The following KLHL21 variants were observed in gnomAD, a reference collection of about 807,000 sequenced individuals.
KLHL21 encodes the protein kelch like family member 21.
In KLHL21, 42 loss-of-function variants were observed where a neutral mutation model predicts 44.1. That is an observed-to-expected ratio of 0.95 (90% CI 0.74 to 1.23). The LOEUF (loss-of-function observed/expected upper bound fraction) is 1.23, where lower values mean the gene tolerates loss of function less well. KLHL21 is among the 50% of genes most tolerant of loss of function. The probability of loss-of-function intolerance (pLI) is 0.00; values close to 1 mark genes in which losing one functional copy is unlikely to be tolerated. For missense variants in KLHL21, 918 were observed against 889.1 expected, an observed-to-expected ratio of 1.03 and a Z score of -0.41; for synonymous variants, 524 against 411.6, an observed-to-expected ratio of 1.27 and a Z score of -3.31.
Position 6,602,868 on chromosome 1 carries a change from A to C in KLHL21, c.-51T>G, listed in dbSNP as rs1475255988. The C allele has an allele frequency of 2.3e-6, 3 of 1,278,404 alleles. No homozygotes were observed. The highest frequency in any genetic ancestry group is 3.4e-5 in the South Asian group (2 of 58,628). 79.2% of individuals were successfully genotyped at this position (1,278,404 alleles called of 1,614,324 possible). On this transcript the variant is annotated 5_prime_UTR_variant, in exon 1 of 4. Transcript: ENST00000377658. Reference sequence around the variant, plus strand: ...CGCCGCGGCCGGGGCCTGCGGAGAGACGCGGCGCGCTAGGCACCGCTGCTA... The same window carrying C: ...CGCCGCGGCCGGGGCCTGCGGAGAGCCGCGGCGCGCTAGGCACCGCTGCTA...
chr1:6,602,261 C>T lies in KLHL21; in HGVS notation c.557G>A (p.Arg186Gln), dbSNP rs887843061. Residue 186 changes from arginine to glutamine, a missense_variant, in exon 1 of 4, where the codon CGG becomes CAG. Transcript: ENST00000377658. ...CTTGGGCACACACAGCCCGTCGTCC[C>T]GCAGGTAGCGCAGCAGGCGCGCCAG... ...LPLARLLRYL[R>Q]DDGLCVPKEE... 31 of 1,550,482 alleles carry T rather than the reference C, an allele frequency of 2.0e-5. No individual in the cohort carries two copies. In the Middle Eastern group the frequency reaches 5.2e-4, roughly 26 times the overall value.
chr1:6,593,690 CAGAGG>C, intron 3 of KLHL21, 32 bp from the exon 4 acceptor site: 1 of 1,541,344 alleles, frequency 6.5e-7, no homozygotes, highest in Non-Finnish European at 8.8e-7. Flanking sequence ...GAGTGGAGGT[CAGAGG>C]AGAGGGTAGG....
intron 2 of KLHL21, 81 bp from the exon 3 acceptor site, chr1:6,595,638 C>T: frequency 8.4e-7 from 1 of 1,183,528 alleles, no homozygotes; most frequent in Non-Finnish European, 1.2e-6. Context: ...GAGTCCTCCC[C>T]TGGGTCACTG....
chr1:6,595,154 AG>A (rs1449925304), intron 3 of KLHL21: 1 of 550,770 alleles, frequency 1.8e-6, no homozygotes, highest in African/African-American at 1.9e-5. Flanking sequence ...GCCCTGCTGC[AG>A]GGCCTCTGTA....
At chr1:6,594,563 G>A (rs1640897841) in intron 3 of KLHL21, 1 of 152,258 alleles carries the variant, frequency 6.6e-6, no homozygotes, top group South Asian at 2.1e-4. Flanking sequence ...AAAATTAGCT[G>A]GGCGTGGTGG....
At chr1:6,601,228 G>C (rs2148703939) in intron 1 of KLHL21, among the ~76,000 whole-genome samples, 1 of 152,338 alleles carries the variant, frequency 6.6e-6, no homozygotes, top group South Asian at 2.1e-4. Flanking sequence ...CAAGTAACTG[G>C]AAGAAAACCT....
At chr1:6,594,118 G>A (rs1640892382) in intron 3 of KLHL21, 1 of 989,932 alleles carries the variant, frequency 1.0e-6, no homozygotes. Context: ...TTACTGCGGG[G>A]AAAACAGAAC....
At chr1:6,598,391 G>A (rs1406287298) in intron 2 of KLHL21, among the ~76,000 whole-genome samples, 2 of 151,878 alleles carry the variant, frequency 1.3e-5, no homozygotes, top group African/African-American at 4.8e-5. Flanking sequence ...CCAACATGGA[G>A]AAACCCTGTC....
intron 1 of KLHL21, chr1:6,599,687 C>G: frequency 3.5e-6 from 2 of 572,520 alleles, no homozygotes; most frequent in Non-Finnish European, 6.2e-6. Context: ...AACAAAGGTC[C>G]TGAGTGCAAT....
chr1:6,601,291 G>A (rs1356001625), intron 1 of KLHL21, among the ~76,000 whole-genome samples: 1 of 152,166 alleles, frequency 6.6e-6, no homozygotes, highest in Non-Finnish European at 1.5e-5. Flanking sequence ...TAAACACCAT[G>A]TGACCAGAGC....
intron 3 of KLHL21, chr1:6,595,245 C>T (rs1429728826): frequency 1.6e-6 from 1 of 621,240 alleles, no homozygotes; most frequent in African/African-American, 1.8e-5. Flanking sequence ...CTCTGGCTCA[C>T]AGCAGATACT....
rs1433807790 is a variant in KLHL21 at position 6,602,128 on chromosome 1, G to C, written c.690C>G (p.Arg230=). 3 of 1,432,414 alleles carry C rather than the reference G, an allele frequency of 2.1e-6. No individual in the cohort carries two copies. The highest frequency in any genetic ancestry group is 6.1e-5 in the Admixed American group (2 of 32,590). 88.7% of individuals were successfully genotyped at this position (1,432,414 alleles called of 1,614,324 possible). A position where few individuals can be genotyped will look rare whatever the true frequency, so the allele number is the denominator to read the frequency against. The change falls in exon 1 of 4, where the codon CGC becomes CGG. Residue 230 remains arginine (R), a synonymous_variant. Transcript: ENST00000377658. The part of the protein sequence containing the change: ...LLEAVRLPFV[R]RFYLLAHVEA... ...CGACGTGCGCCAACAGGTAGAAGCG[G>C]CGCACGAAGGGCAGGCGCACGGCCT... is the stretch of plus-strand genomic sequence containing the variant.
rs1007408532 is a variant in KLHL21 at position 6,595,576 on chromosome 1, G to C, written c.1428-19C>G. 6.2e-7 allele frequency: 1 copy of C among 1,608,748 alleles called. No homozygotes were observed. ...GTCATCCCTGTGGAGGGGGCAGCAG[G>C]AGGACAACTGCTCAGAGCGAGGAGG... On this transcript the variant is annotated intron_variant, in intron 2 of 3. Transcript: ENST00000377658.
chr1:6,599,791 TG>T, intron 1 of KLHL21: 1 of 262,386 alleles, frequency 3.8e-6, no homozygotes, highest in Non-Finnish European at 7.3e-6. Flanking sequence ...ACAGTTCTCC[TG>T]GGGAGCCACA....
At position 6,593,595 on chromosome 1, in the gene KLHL21, T is replaced by C. The variant is rs1338500191; in HGVS notation, c.1564A>G (p.Asn522Asp). The C allele has an allele frequency of 2.5e-6, 4 of 1,612,892 alleles. No homozygotes were observed. In the East Asian group the frequency reaches 8.9e-5, roughly 36 times the overall value. ...GKLYVSGGYD[N>D]TFELSDVVEA... ...ACCACGTCCGAGAGTTCAAATGTAT[T>C]GTCGTATCCCCCAGAGACGTACAGC... Residue 522 changes from asparagine to aspartate, a missense_variant, in exon 4 of 4, where the codon AAT becomes GAT. Coordinates refer to ENST00000377658, the MANE Select transcript of KLHL21 (RefSeq NM_014851.4).
In KLHL21 at chr1:6,602,184, G is replaced by A; in HGVS notation, c.634C>T (p.Arg212Cys). Residue 212 changes from arginine to cysteine, a missense_variant, in exon 1 of 4, where the codon CGC becomes TGC. By Grantham distance (180) the Arg-to-Cys change is radical (BLOSUM62 -3). Coordinates refer to ENST00000377658, the MANE Select transcript of KLHL21 (RefSeq NM_014851.4). ...AGCTGCGGCCAGTGCGCGGCGCGGC[G>A]CGGCGGGTCAGCGCGGACCCAGCGC... Reference protein sequence around the residue: ...ALRWVRADPPRRAAHWPQLLE... With the variant: ...ALRWVRADPPCRAAHWPQLLE... 1.4e-6 allele frequency: 2 copies of A among 1,439,042 alleles called. No individual in the cohort carries two copies. Among genetic ancestry groups the A allele is most frequent in the Non-Finnish European group, 1.8e-6 (2 of 1,106,508 alleles). The allele number at this position is 1,439,042 out of a possible 1,614,324, so 89.1% of individuals were successfully genotyped here. A position where few individuals can be genotyped will look rare whatever the true frequency, so the allele number is the denominator to read the frequency against.
At chr1:6,595,057 CAAAAAT>C (rs1254415496) in intron 3 of KLHL21, 1 of 333,362 alleles carries the variant, frequency 3.0e-6, no homozygotes, top group Non-Finnish European at 5.5e-6. Context: ...GACCCTGTCT[CAAAAAT>C]AAAAAAGGTA....
chr1:6,599,959 TG>T (rs1640991534), intron 1 of KLHL21: 1 of 155,228 alleles, frequency 6.4e-6, no homozygotes, highest in African/African-American at 2.4e-5. Context: ...TTCTCGATTC[TG>T]GTGCAGGTTA....
intron 1 of KLHL21, among the ~76,000 whole-genome samples, chr1:6,600,070 G>A (rs932621098): frequency 6.6e-6 from 1 of 151,950 alleles, no homozygotes; most frequent in Non-Finnish European, 1.5e-5. Flanking sequence ...TTTTGAGACA[G>A]AGTCTTGCTC....
Sources: allele counts gnomAD v4.1 joint callset (sites outside exome capture counted in the v4.1 genomes callset), GRCh38; gene constraint gnomAD v4.1.1; transcripts MANE v1.5; gene names NCBI Gene and HGNC (gene_info 2026-07-23, HGNC 2026-07-21).